Variants in ATRNL1 observed in about 807,000 individuals in gnomAD.
ATRNL1 encodes attractin-like protein 1.
ATRNL1 carries 95 observed loss-of-function variants against 182.7 expected under a neutral mutation model. The ratio of observed to expected loss-of-function variants is 0.52; its 90% confidence interval spans 0.44 to 0.62. The LOEUF is 0.62. Among genes scored for constraint, ATRNL1 ranks in the 20% least tolerant of loss-of-function variants. The pLI is 0.00. For synonymous variants in ATRNL1, 576 were observed against 568.3 expected, an observed-to-expected ratio of 1.01 and a Z score of -0.19; for missense variants, 1,471 against 1,679.5, an observed-to-expected ratio of 0.88 and a Z score of 2.17.
chr10:115,412,219 C>T (rs1199800693), intron 20 of ATRNL1, among the ~76,000 whole-genome samples: 6 of 152,054 alleles, frequency 3.9e-5, no homozygotes, highest in Admixed American at 2.0e-4. Context: ...AGGATAGCCA[C>T]CAGCCAATAG....
chr10:115,230,896 AG>A (rs1564837754), intron 9 of ATRNL1, among the ~76,000 whole-genome samples: 1 of 149,306 alleles, frequency 6.7e-6, no homozygotes, highest in African/African-American at 2.5e-5. Flanking sequence ...AGAGAGAGAG[AG>A]AGAGAGAGAG....
chr10:115,809,002 C>T (rs936456721), intron 27 of ATRNL1, among the ~76,000 whole-genome samples: 4 of 151,940 alleles, frequency 2.6e-5, no homozygotes, highest in Admixed American at 1.3e-4. Context: ...TATTTTGGCA[C>T]ATGTTTTGTT....
chr10:115,388,221 G>A (rs1284206302), intron 19 of ATRNL1, among the ~76,000 whole-genome samples: 2 of 152,044 alleles, frequency 1.3e-5, no homozygotes, highest in Non-Finnish European at 2.9e-5. Context: ...TGGTGTGCTG[G>A]TTTCTACTAG....
At chr10:115,436,746 G>A (rs1021783640) in intron 21 of ATRNL1, among the ~76,000 whole-genome samples, 6 of 152,072 alleles carry the variant, frequency 3.9e-5, no homozygotes, top group African/African-American at 1.4e-4. Context: ...TGGAGAGACT[G>A]TCATTTACTT....
intron 26 of ATRNL1, among the ~76,000 whole-genome samples, chr10:115,660,986 G>T (rs1294058178): frequency 6.6e-6 from 1 of 152,066 alleles, no homozygotes; most frequent in Non-Finnish European, 1.5e-5. Flanking sequence ...ATTAGATTCA[G>T]ATTTAGGGGA....
chr10:115,628,728 T>A (rs1858280755), intron 26 of ATRNL1, among the ~76,000 whole-genome samples: 2 of 152,192 alleles, frequency 1.3e-5, no homozygotes, highest in Non-Finnish European at 2.9e-5. Context: ...AGGTATTTGA[T>A]CAACTTTGAG....
chr10:115,355,855 TA>T lies in ATRNL1; in HGVS notation c.3175+21437del, dbSNP rs1856480957. On this transcript the variant is annotated intron_variant, in intron 19 of 28. Transcript: ENST00000355044. Reference sequence around the variant, plus strand: ...GATCTTTTTATAGGTTTTTGAATAGTAGGCTTATCTGATTTTCTTAATTTCT... The same window carrying T: ...GATCTTTTTATAGGTTTTTGAATAGTGGCTTATCTGATTTTCTTAATTTCT... 2.6e-5 allele frequency among the ~76,000 whole-genome samples: 4 copies of T among 152,134 alleles called. No individual in the cohort carries two copies. The South Asian group carries it at 6.2e-4, about 24-fold the overall frequency.
chr10:115,337,856 G>A (rs1855566221), intron 19 of ATRNL1, among the ~76,000 whole-genome samples: 1 of 151,804 alleles, frequency 6.6e-6, no homozygotes, highest in Non-Finnish European at 1.5e-5. Context: ...ATTTTTCCAC[G>A]GATGGGGTGG....
chr10:115,652,102 T>A (rs571974363), intron 26 of ATRNL1, among the ~76,000 whole-genome samples: 10 of 152,232 alleles, frequency 6.6e-5, no homozygotes, highest in African/African-American at 2.4e-4. Flanking sequence ...GACTCCTAAA[T>A]AATTGTTAGT....
At chr10:115,693,250 A>G (rs1467986490) in intron 26 of ATRNL1, among the ~76,000 whole-genome samples, 1 of 152,122 alleles carries the variant, frequency 6.6e-6, no homozygotes, top group Admixed American at 6.6e-5. Context: ...TTTCTGTTTT[A>G]ATATCCTATT....
At chr10:115,429,395 G>T (rs1233736359) in intron 21 of ATRNL1, among the ~76,000 whole-genome samples, 3 of 151,776 alleles carry the variant, frequency 2.0e-5, no homozygotes, top group Non-Finnish European at 4.4e-5. Flanking sequence ...ACCCTTATTG[G>T]GATGTTGAGA....
At chr10:115,873,976 A>G (rs533537415) in intron 28 of ATRNL1, among the ~76,000 whole-genome samples, 1 of 152,232 alleles carries the variant, frequency 6.6e-6, no homozygotes, top group Non-Finnish European at 1.5e-5. Flanking sequence ...GAAATGTACT[A>G]GGAATTACTC....
chr10:115,595,989 CTG>C (rs1441817071), intron 26 of ATRNL1, among the ~76,000 whole-genome samples: 23 of 152,154 alleles, frequency 1.5e-4, no homozygotes, highest in African/African-American at 5.1e-4. Context: ...GTTTTCATCT[CTG>C]TGGTTTTGTA....
At chr10:115,115,877 T>C (rs1012020754) in intron 1 of ATRNL1, among the ~76,000 whole-genome samples, 1 of 152,180 alleles carries the variant, frequency 6.6e-6, no homozygotes, top group East Asian at 1.9e-4. Context: ...ATTTTAGTAT[T>C]GTCTAATATT....
chr10:115,488,363 G>A (rs1351782473), intron 24 of ATRNL1, among the ~76,000 whole-genome samples: 3 of 151,926 alleles, frequency 2.0e-5, no homozygotes, highest in African/African-American at 7.3e-5. Flanking sequence ...GACTTTTTTT[G>A]GTTGGTACGC....
chr10:115,661,861 G>T (rs1860709015), intron 26 of ATRNL1, among the ~76,000 whole-genome samples: 1 of 151,918 alleles, frequency 6.6e-6, no homozygotes, highest in Non-Finnish European at 1.5e-5. Flanking sequence ...AGGTTGGTGT[G>T]CTGCACCCAT....
At chr10:115,374,266 A>T (rs969507093) in intron 19 of ATRNL1, among the ~76,000 whole-genome samples, 2 of 151,488 alleles carry the variant, frequency 1.3e-5, no homozygotes, top group Non-Finnish European at 3.0e-5. Flanking sequence ...TGGTTTGTCA[A>T]TTTTGTTTAT....
At chr10:115,492,664 G>C (rs1366253848) in intron 24 of ATRNL1, among the ~76,000 whole-genome samples, 2 of 51,242 alleles carry the variant, frequency 3.9e-5, no homozygotes, top group Non-Finnish European at 3.8e-5. Context: ...TTTTTTTTGA[G>C]ATGGGGTCTC....
intron 19 of ATRNL1, among the ~76,000 whole-genome samples, chr10:115,387,106 G>T (rs1419483325): frequency 6.6e-6 from 1 of 151,130 alleles, no homozygotes; most frequent in Non-Finnish European, 1.5e-5. Context: ...GATGTCCTTT[G>T]TAGGGACATC....
Sources: allele counts gnomAD v4.1 joint callset (sites outside exome capture counted in the v4.1 genomes callset), GRCh38; gene constraint gnomAD v4.1.1; transcripts MANE v1.5; gene names NCBI Gene and HGNC (gene_info 2026-07-23, HGNC 2026-07-21).